The following SLC24A2 variants were observed in gnomAD, a reference collection of about 807,000 sequenced individuals.
SLC24A2 encodes sodium/potassium/calcium exchanger 2.
Under a neutral mutation model 62.0 loss-of-function variants are expected in SLC24A2, and 36 were observed. That is an observed-to-expected ratio of 0.58 (90% CI 0.44 to 0.77). SLC24A2 has a LOEUF of 0.77. SLC24A2 is among the 30% of genes least tolerant of loss of function. SLC24A2 has a pLI of 0.00. For missense variants in SLC24A2, 846 were observed against 817.9 expected (o/e 1.03, Z -0.42); for synonymous variants, 358 against 294.0 (o/e 1.22, Z -2.23).
the SLC24A2 span, among the ~76,000 whole-genome samples, chr9:19,886,589 C>T: frequency 7.2e-5 from 11 of 152,286 alleles, no homozygotes; most frequent in Non-Finnish European, 1.2e-4. Context: ...GAAATAGGAA[C>T]GCTTTTACAC....
chr9:19,987,247 C>T, the SLC24A2 span, among the ~76,000 whole-genome samples: 6 of 151,982 alleles, frequency 3.9e-5, no homozygotes, highest in African/African-American at 9.7e-5. Flanking sequence ...GTCTCACTGT[C>T]GGGTGGACCT....
chr9:19,929,669 C>A, the SLC24A2 span: 1 of 152,280 alleles, frequency 6.6e-6, no homozygotes, highest in South Asian at 2.0e-4. Context: ...AGGGTGTACT[C>A]CTATTTATTA....
the SLC24A2 span, among the ~76,000 whole-genome samples, chr9:19,960,081 T>A: frequency 6.6e-6 from 1 of 152,206 alleles, no homozygotes; most frequent in Admixed American, 6.5e-5. Flanking sequence ...GATAAGCTAT[T>A]GGCAGTGACC....
the SLC24A2 span, among the ~76,000 whole-genome samples, chr9:20,056,741 T>C: frequency 3.5e-4 from 53 of 152,312 alleles, no homozygotes; most frequent in African/African-American, 1.0e-3. Context: ...TGAAGCTTGA[T>C]TGCATGGCAT....
the SLC24A2 span, among the ~76,000 whole-genome samples, chr9:20,016,521 T>C: frequency 3.1e-3 from 478 of 152,338 alleles, 4 homozygotes; most frequent in African/African-American, 0.011. Flanking sequence ...CCAAAAAGGA[T>C]TTGAGGTGAC....
chr9:20,241,124 G>A, the SLC24A2 span, among the ~76,000 whole-genome samples: 16 of 152,308 alleles, frequency 1.1e-4, no homozygotes, highest in South Asian at 4.1e-4. Context: ...ATGAAACCAC[G>A]TGTCTTCAGA....
At chr9:20,122,348 T>C in the SLC24A2 span, among the ~76,000 whole-genome samples, 1 of 152,194 alleles carries the variant, frequency 6.6e-6, no homozygotes, top group Non-Finnish European at 1.5e-5. Context: ...GTTGATTGCA[T>C]TTCGATCCCA....
chr9:19,725,013 G>A (rs1821130082), intron 2 of SLC24A2, among the ~76,000 whole-genome samples: 1 of 152,058 alleles, frequency 6.6e-6, no homozygotes, highest in Non-Finnish European at 1.5e-5. Context: ...TTCCAGCGCT[G>A]GTCTGCACCA....
At chr9:19,880,520 G>A in the SLC24A2 span, among the ~76,000 whole-genome samples, 17 of 152,266 alleles carry the variant, frequency 1.1e-4, no homozygotes, top group African/African-American at 3.9e-4. Flanking sequence ...CAGCATATGT[G>A]GAATTTAGTT....
At chr9:19,762,703 T>G (rs1011443370) in intron 2 of SLC24A2, among the ~76,000 whole-genome samples, 1 of 152,160 alleles carries the variant, frequency 6.6e-6, no homozygotes, top group Non-Finnish European at 1.5e-5. Flanking sequence ...GCTGTTTTGG[T>G]TACTGTGGCC....
chr9:20,008,911 C>A, the SLC24A2 span, among the ~76,000 whole-genome samples: 1 of 152,150 alleles, frequency 6.6e-6, no homozygotes, highest in African/African-American at 2.4e-5. Flanking sequence ...CCACAGAAAT[C>A]CAACTGGCAA....
the SLC24A2 span, among the ~76,000 whole-genome samples, chr9:20,072,497 T>C: frequency 4.6e-5 from 7 of 152,308 alleles, no homozygotes; most frequent in Middle Eastern, 3.4e-3. Flanking sequence ...AAACCATATA[T>C]ATGTATATGG....
chr9:20,013,359 T>G, the SLC24A2 span, among the ~76,000 whole-genome samples: 1 of 152,068 alleles, frequency 6.6e-6, no homozygotes, highest in South Asian at 2.1e-4. Flanking sequence ...ATACATACAT[T>G]CATCAGAGTA....
chr9:19,698,661 A>G (rs1378497836), intron 2 of SLC24A2, among the ~76,000 whole-genome samples: 1 of 151,950 alleles, frequency 6.6e-6, no homozygotes, highest in Admixed American at 6.6e-5. Context: ...CTGGGGATAT[A>G]AAGAGAAACA....
At chr9:19,956,303 T>C in the SLC24A2 span, among the ~76,000 whole-genome samples, 1 of 152,186 alleles carries the variant, frequency 6.6e-6, no homozygotes, top group East Asian at 1.9e-4. Context: ...CTCACAATGA[T>C]AGCGCTACAG....
intron 2 of SLC24A2, among the ~76,000 whole-genome samples, chr9:19,623,848 T>C (rs535752429): frequency 6.6e-6 from 1 of 152,284 alleles, no homozygotes; most frequent in East Asian, 1.9e-4. Flanking sequence ...GTCTCAGACA[T>C]AGACAGAAGG....
At position 19,622,916 on chromosome 9, in the gene SLC24A2, C is replaced by T. The variant is rs564512409; in HGVS notation, c.931-617G>A. ...CCACTGCATTAAAGACTAGGATCATCCCATATGGAAATCAGATAACCCATC... is the reference window on the plus strand; with the variant it reads ...CCACTGCATTAAAGACTAGGATCATTCCATATGGAAATCAGATAACCCATC... On this transcript the variant is annotated intron_variant, in intron 2 of 10. Transcript: ENST00000341998. 6.6e-5 allele frequency among the ~76,000 whole-genome samples: 10 copies of T among 152,236 alleles called. No homozygotes were observed. The South Asian group carries it at 2.1e-3, about 32-fold the overall frequency.
chr9:20,260,184 G>C, the SLC24A2 span, among the ~76,000 whole-genome samples: 111 of 152,358 alleles, frequency 7.3e-4, 3 homozygotes, highest in South Asian at 0.023. Context: ...TTTTAAAAGG[G>C]CTGGTTTGGC....
At chr9:20,099,744 C>T in the SLC24A2 span, among the ~76,000 whole-genome samples, 1 of 152,118 alleles carries the variant, frequency 6.6e-6, no homozygotes, top group Non-Finnish European at 1.5e-5. Flanking sequence ...ACTGCACTTC[C>T]TAGGTACCTC....
Sources: gnomAD v4.1 joint callset for allele counts (sites outside exome capture counted in the v4.1 genomes callset) on GRCh38, gnomAD v4.1.1 for gene constraint, MANE v1.5 for transcripts, NCBI Gene and HGNC (gene_info 2026-07-23, HGNC 2026-07-21) for gene names.